GRIA1: variants seen among roughly 807,000 people sequenced by gnomAD.
GRIA1 encodes the protein glutamate ionotropic receptor AMPA type subunit 1, also known as glutamate receptor 1.
In GRIA1, 31 loss-of-function variants were observed where a neutral mutation model predicts 99.2. The observed-to-expected ratio is 0.31, with a 90% confidence interval of 0.23 to 0.42. The LOEUF is 0.42. Among genes scored for constraint, GRIA1 ranks in the 10% least tolerant of loss-of-function variants. The pLI, the probability that GRIA1 is intolerant of heterozygous loss-of-function variation, is 1.00. For missense variants in GRIA1, 782 were observed against 1,157.5 expected (o/e 0.68, Z 4.71); for synonymous variants, 438 against 432.4 (o/e 1.01, Z -0.16).
rs1020078567 is a variant in GRIA1 at position 153,526,734 on chromosome 5, C to T, written c.220+32669C>T. On this transcript the variant is annotated intron_variant, in intron 2 of 15. Transcript: ENST00000285900. ...CTGCAGGAGGCAGATCCTATTTGCC[C>T]GGGATCACACTGAAACACAAAGAGG... Among the ~76,000 whole-genome samples, 5 of 152,240 alleles carry T rather than the reference C, an allele frequency of 3.3e-5. 1 individual carries two copies. Among genetic ancestry groups the T allele is most frequent in the African/African-American group, 4.8e-5 (2 of 41,546 alleles).
At chr5:153,734,313 AC>A (rs1261200619) in intron 11 of GRIA1, among the ~76,000 whole-genome samples, 1 of 151,870 alleles carries the variant, frequency 6.6e-6, no homozygotes, top group South Asian at 2.1e-4. Flanking sequence ...GCTCTTAAGG[AC>A]CCCCCTAAGA....
chr5:153,580,780 G>A (rs1269255680), intron 2 of GRIA1, among the ~76,000 whole-genome samples: 4 of 152,154 alleles, frequency 2.6e-5, no homozygotes, highest in African/African-American at 9.7e-5. Flanking sequence ...TTCAGGAAGA[G>A]GAGCATGGAG....
intron 2 of GRIA1, among the ~76,000 whole-genome samples, chr5:153,603,764 G>A (rs919545328): frequency 1.3e-5 from 2 of 152,124 alleles, no homozygotes; most frequent in African/African-American, 4.8e-5. Context: ...TCATGTCTTT[G>A]CCAGTTGCCA....
intron 2 of GRIA1, among the ~76,000 whole-genome samples, chr5:153,507,747 CA>C (rs1248204168): frequency 6.6e-6 from 1 of 152,106 alleles, no homozygotes; most frequent in Non-Finnish European, 1.5e-5. Context: ...CTTCTTGTCT[CA>C]AAAAAATATC....
chr5:153,561,153 G>T (rs1255340971), intron 2 of GRIA1, among the ~76,000 whole-genome samples: 1 of 152,196 alleles, frequency 6.6e-6, no homozygotes, highest in African/African-American at 2.4e-5. Flanking sequence ...GTCCACATCA[G>T]ATCCTGGCCC....
At chr5:153,665,121 T>C (rs1755651600) in intron 5 of GRIA1, among the ~76,000 whole-genome samples, 1 of 152,220 alleles carries the variant, frequency 6.6e-6, no homozygotes, top group Non-Finnish European at 1.5e-5. Flanking sequence ...GAAGACCAAC[T>C]ATTCCCAGGC....
rs952269779 is a variant in GRIA1 at position 153,716,272 on chromosome 5, C to T, written c.1823+10205C>T. 4.6e-5 allele frequency among the ~76,000 whole-genome samples: 7 copies of T among 152,124 alleles called. 1 individual carries two copies. The highest frequency in any genetic ancestry group is 3.3e-4 in the Admixed American group (5 of 15,268). On this transcript the variant is annotated intron_variant, in intron 11 of 15. Coordinates refer to ENST00000285900, the MANE Select transcript of GRIA1 (RefSeq NM_000827.4). ...AAATTAATTCACTTGCATGTGGGTA[C>T]CCAGCAGGGCTGAGATTATAACCTG...
intron 8 of GRIA1, among the ~76,000 whole-genome samples, chr5:153,693,581 C>T (rs377567653): frequency 2.1e-4 from 32 of 152,262 alleles, no homozygotes; most frequent in African/African-American, 7.5e-4. Flanking sequence ...CCTTTTAAGA[C>T]TTTCTCCACT....
chr5:153,525,216 C>T (rs969736349), intron 2 of GRIA1: 1 of 152,286 alleles, frequency 6.6e-6, no homozygotes, highest in East Asian at 1.9e-4. Flanking sequence ...GTGATTTTGC[C>T]CCTTTCCCTT....
At chr5:153,756,429 T>A (rs1429381692) in intron 11 of GRIA1, among the ~76,000 whole-genome samples, 2 of 152,208 alleles carry the variant, frequency 1.3e-5, no homozygotes, top group Admixed American at 6.5e-5. Flanking sequence ...GTAAGAGAAC[T>A]GCCCTGGCCA....
chr5:153,738,720 C>CTTTTTTTTTTTTTTTTTTTTTTT (rs55874747), intron 11 of GRIA1, among the ~76,000 whole-genome samples: 1 of 102,348 alleles, frequency 9.8e-6, no homozygotes, highest in African/African-American at 4.0e-5. Context: ...TCCATACCTT[C>CTTTTTTTTTTTTTTTTTTTTTTT]TTTTTTTTTT....
intron 4 of GRIA1, 88 bp from the exon 5 acceptor site, chr5:153,655,731 A>C (rs1581412043): frequency 9.2e-7 from 1 of 1,083,724 alleles, no homozygotes; most frequent in Non-Finnish European, 1.4e-6. Context: ...CATTGTAAGC[A>C]CTCGATATCA....
At chr5:153,762,207 G>A (rs1180636285) in intron 11 of GRIA1, among the ~76,000 whole-genome samples, 1 of 152,170 alleles carries the variant, frequency 6.6e-6, no homozygotes, top group South Asian at 2.1e-4. Flanking sequence ...TTGAGGTGAT[G>A]TACATGCTAA....
chr5:153,544,000 AG>A (rs1215910024), intron 2 of GRIA1, among the ~76,000 whole-genome samples: 1 of 152,098 alleles, frequency 6.6e-6, no homozygotes, highest in African/African-American at 2.4e-5. Flanking sequence ...CTCTTTAAAT[AG>A]GGTGGTGAGG....
intron 2 of GRIA1, among the ~76,000 whole-genome samples, chr5:153,588,548 T>A (rs1245847509): frequency 6.6e-6 from 1 of 152,230 alleles, no homozygotes; most frequent in African/African-American, 2.4e-5. Context: ...TGGAGTCAAA[T>A]AGCTGATGTA....
intron 2 of GRIA1, among the ~76,000 whole-genome samples, chr5:153,616,484 CAA>C (rs879361330): frequency 6.7e-6 from 1 of 148,330 alleles, no homozygotes; most frequent in East Asian, 2.0e-4. Context: ...AAAAAATTCG[CAA>C]AAAAAAAATC....
chr5:153,655,364 CATCT>C (rs754021942), intron 4 of GRIA1, among the ~76,000 whole-genome samples: 4 of 152,138 alleles, frequency 2.6e-5, no homozygotes, highest in South Asian at 2.1e-4. Context: ...ATCCACCATC[CATCT>C]ATTAACTCAT....
At chr5:153,603,282 A>C (rs1305022491) in intron 2 of GRIA1, among the ~76,000 whole-genome samples, 1 of 152,310 alleles carries the variant, frequency 6.6e-6, no homozygotes, top group Non-Finnish European at 1.5e-5. Flanking sequence ...ATAGTATTCC[A>C]TGGTGTATAT....
At chr5:153,499,610 T>C (rs1373684126) in intron 2 of GRIA1, among the ~76,000 whole-genome samples, 1 of 63,634 alleles carries the variant, frequency 1.6e-5, no homozygotes, top group Admixed American at 1.7e-4. Flanking sequence ...CGAGAATTTG[T>C]CTCAAAAAAA....
Sources: gnomAD v4.1 joint callset for allele counts (sites outside exome capture counted in the v4.1 genomes callset) on GRCh38, gnomAD v4.1.1 for gene constraint, MANE v1.5 for transcripts, NCBI Gene and HGNC (gene_info 2026-07-23, HGNC 2026-07-21) for gene names.